KIF6: variants seen among roughly 807,000 people sequenced by gnomAD.
The protein encoded by KIF6 is kinesin-like protein KIF6.
KIF6 carries 106 observed loss-of-function variants against 112.7 expected under a neutral mutation model. That is an observed-to-expected ratio of 0.94 (90% CI 0.80 to 1.11). The LOEUF (loss-of-function observed/expected upper bound fraction) is 1.11, where lower values mean the gene tolerates loss of function less well. Among genes scored for constraint, KIF6 ranks in the 50% least tolerant of loss-of-function variants. The pLI, the probability that KIF6 is intolerant of heterozygous loss-of-function variation, is 0.00. For missense variants in KIF6, 929 were observed against 964.0 expected, an observed-to-expected ratio of 0.96 and a Z score of 0.48; for synonymous variants, 339 against 339.9, an observed-to-expected ratio of 1.00 and a Z score of 0.03.
At chr6:39,460,971 C>T (rs755720669) in intron 13 of KIF6, among the ~76,000 whole-genome samples, 7 of 152,144 alleles carry the variant, frequency 4.6e-5, no homozygotes, top group Non-Finnish European at 7.4e-5. Context: ...TCTGAGAAAC[C>T]GTTCATCACT....
chr6:39,634,392 T>C (rs994142421), intron 5 of KIF6, among the ~76,000 whole-genome samples: 1 of 152,182 alleles, frequency 6.6e-6, no homozygotes, highest in Non-Finnish European at 1.5e-5. Context: ...AAGTTAGCAT[T>C]AACCATAGTA....
intron 15 of KIF6, among the ~76,000 whole-genome samples, chr6:39,395,992 C>A (rs1420485971): frequency 1.3e-5 from 2 of 152,120 alleles, no homozygotes; most frequent in African/African-American, 4.8e-5. Context: ...TGATTCTACT[C>A]ATTTAATTTT....
chr6:39,596,229 T>C lies in KIF6; in HGVS notation c.671A>G (p.His224Arg). 3.1e-6 allele frequency: 5 copies of C among 1,613,932 alleles called. No homozygotes were observed. The highest frequency in any genetic ancestry group is 3.4e-6 in the Non-Finnish European group (4 of 1,179,912). ...TPMNQASTRS[H>R]CIFTIHLSSK... is the part of the protein sequence containing the mutation. ...TGACAAATGAATGGTGAAAATGCAG[T>C]GGGAACGGGTTGAAGCTTGGTTCAT... is the stretch of plus-strand genomic sequence containing the variant. The change falls in exon 7 of 23, where the codon CAC becomes CGC. Residue 224 changes from histidine to arginine, a missense_variant. His to Arg is a conservative substitution (Grantham distance 29). This residue lies in a region of KIF6 where 688 missense variants were observed against 662.7 expected (regional missense o/e 1.04). Coordinates refer to ENST00000287152, the MANE Select transcript of KIF6 (RefSeq NM_145027.6).
At chr6:39,637,263 G>A (rs1027051471) in intron 4 of KIF6, among the ~76,000 whole-genome samples, 3 of 151,922 alleles carry the variant, frequency 2.0e-5, no homozygotes, top group Admixed American at 6.6e-5. Flanking sequence ...AATGTCTTTG[G>A]CTCTTTCAGC....
chr6:39,557,067 A>T (rs1779743537), intron 10 of KIF6, among the ~76,000 whole-genome samples: 1 of 151,992 alleles, frequency 6.6e-6, no homozygotes, highest in African/African-American at 2.4e-5. Context: ...GCACATATAT[A>T]TGTGCACATA....
intron 16 of KIF6, among the ~76,000 whole-genome samples, chr6:39,370,545 T>C (rs1332680643): frequency 6.6e-6 from 1 of 152,230 alleles, no homozygotes; most frequent in Admixed American, 6.5e-5. Flanking sequence ...AAGTGAGTTC[T>C]GAGACAGACC....
rs572652349 is a variant in KIF6 at position 39,585,463 on chromosome 6, G to A, written c.991-479C>T. 3.9e-5 allele frequency among the ~76,000 whole-genome samples: 6 copies of A among 152,238 alleles called. No homozygotes were observed. The South Asian group carries it at 1.0e-3, about 26-fold the overall frequency. The stretch of plus-strand genomic sequence containing the variant: ...CAGACCTGGTACTGGTCCATGGCTC[G>A]GGGGTCAGGGACCCCTGCTCTAGAA... On this transcript the variant is annotated intron_variant, in intron 8 of 22. Transcript: ENST00000287152.
intron 4 of KIF6, among the ~76,000 whole-genome samples, chr6:39,638,326 G>GA (rs1784731967): frequency 6.6e-6 from 1 of 152,052 alleles, no homozygotes; most frequent in Non-Finnish European, 1.5e-5. Context: ...CACTTTCTCA[G>GA]AACCAGGTTG....
In KIF6 at chr6:39,333,276, G is replaced by C. The variant is rs1041717101; in HGVS notation, c.*3256C>G. 2 of 152,140 alleles carry C rather than the reference G, an allele frequency of 1.3e-5. No homozygotes were observed. Among genetic ancestry groups the C allele is most frequent in the Non-Finnish European group, 2.9e-5 (2 of 68,038 alleles). 9.4% of individuals were successfully genotyped at this position (152,140 alleles called of 1,614,324 possible). On this transcript the variant is annotated 3_prime_UTR_variant, in exon 23 of 23. Transcript: ENST00000287152. ...ATACTGTCTCTGGGTTCCAATTTCT[G>C]TGCCAGTCTGCTATTGCTACAATTA...
intron 13 of KIF6, among the ~76,000 whole-genome samples, chr6:39,519,891 G>A (rs1231770927): frequency 6.6e-6 from 1 of 152,018 alleles, no homozygotes; most frequent in Non-Finnish European, 1.5e-5. Context: ...GTGTGGTGGT[G>A]GATATCTGTA....
In KIF6 at chr6:39,703,694, CT is replaced by C. The variant is rs200386492; in HGVS notation, c.251+10997del. On this transcript the variant is annotated intron_variant, in intron 3 of 22. Coordinates refer to ENST00000287152, the MANE Select transcript of KIF6 (RefSeq NM_145027.6). ...AAGTGCTCTGCTCCAAGTAAAGGAA[CT>C]TTTAAATGAAGATATTTAGATCTGC... is the stretch of plus-strand genomic sequence containing the variant. Among the ~76,000 whole-genome samples the C allele has an allele frequency of 1.4e-4, 21 of 152,256 alleles. No individual in the cohort carries two copies. In the East Asian group the frequency reaches 2.3e-3, roughly 17 times the overall value.
At chr6:39,575,121 A>C (rs1248973111) in intron 10 of KIF6, among the ~76,000 whole-genome samples, 1 of 152,086 alleles carries the variant, frequency 6.6e-6, no homozygotes, top group Non-Finnish European at 1.5e-5. Context: ...TCTTGTTCTT[A>C]TCATTCTCAG....
intron 3 of KIF6, among the ~76,000 whole-genome samples, chr6:39,684,845 G>A (rs923607653): frequency 2.0e-5 from 3 of 151,758 alleles, no homozygotes; most frequent in Non-Finnish European, 4.4e-5. Flanking sequence ...AAGAGGAGGA[G>A]GAAGAAATTT....
At chr6:39,365,407 CA>C (rs1765485411) in intron 16 of KIF6, among the ~76,000 whole-genome samples, 1 of 152,194 alleles carries the variant, frequency 6.6e-6, no homozygotes, top group Non-Finnish European at 1.5e-5. Flanking sequence ...CCCCAAGTCT[CA>C]GGCACAGGAA....
intron 3 of KIF6, among the ~76,000 whole-genome samples, chr6:39,704,254 C>T (rs569363084): frequency 2.6e-5 from 4 of 152,152 alleles, no homozygotes; most frequent in Non-Finnish European, 4.4e-5. Context: ...GTGATTTTCA[C>T]GTACAGCTCA....
At chr6:39,549,606 C>A (rs1779260683) in intron 10 of KIF6, among the ~76,000 whole-genome samples, 1 of 152,056 alleles carries the variant, frequency 6.6e-6, no homozygotes, top group Non-Finnish European at 1.5e-5. Flanking sequence ...AAGGGAGAAC[C>A]CACACCTGCA....
At chr6:39,509,781 A>G (rs1254595794) in intron 13 of KIF6, among the ~76,000 whole-genome samples, 1 of 152,202 alleles carries the variant, frequency 6.6e-6, no homozygotes, top group Non-Finnish European at 1.5e-5. Flanking sequence ...TGACGGGGAG[A>G]ATGGAACCAA....
chr6:39,575,417 C>T (rs1780896420), intron 10 of KIF6, among the ~76,000 whole-genome samples: 1 of 151,882 alleles, frequency 6.6e-6, no homozygotes, highest in Non-Finnish European at 1.5e-5. Flanking sequence ...ACTACAGGCG[C>T]CCGCCACCAC....
chr6:39,499,663 G>C (rs1013574498), intron 13 of KIF6, among the ~76,000 whole-genome samples: 1 of 152,096 alleles, frequency 6.6e-6, no homozygotes, highest in African/African-American at 2.4e-5. Flanking sequence ...AAAATGTTTG[G>C]CTTGAGAATA....
Sources: gnomAD v4.1 joint callset for allele counts (sites outside exome capture counted in the v4.1 genomes callset) on GRCh38, gnomAD v4.1.1 for gene constraint, gnomAD v4.1.1 regional missense constraint, MANE v1.5 for transcripts, NCBI Gene and HGNC (gene_info 2026-07-23, HGNC 2026-07-21) for gene names.